The following GPRIN3 variants were observed in gnomAD, a reference collection of about 807,000 sequenced individuals.
GPRIN3 encodes GPRIN family member 3.
Under a neutral mutation model 13.7 loss-of-function variants are expected in GPRIN3, and 12 were observed. The ratio of observed to expected loss-of-function variants is 0.87; its 90% CI spans 0.56 to 1.42. The LOEUF is 1.42. Ranked by LOEUF, GPRIN3 falls within the 40% of genes most tolerant of loss-of-function variation. GPRIN3 has a pLI of 0.00. For missense variants in GPRIN3, 1,009 were observed against 958.7 expected, an observed-to-expected ratio of 1.05 and a Z score of -0.69; for synonymous variants, 377 against 372.7, an observed-to-expected ratio of 1.01 and a Z score of -0.13.
At position 89,240,205 on chromosome 4, in the gene GPRIN3, A is replaced by G. The variant is rs955068482; in HGVS notation, c.*7575T>C. 6 of 152,232 alleles carry G rather than the reference A, an allele frequency of 3.9e-5. No individual in the cohort carries two copies. Among genetic ancestry groups the G allele is most frequent in the Non-Finnish European group, 8.8e-5 (6 of 68,038 alleles). 9.4% of individuals were successfully genotyped at this position (152,232 alleles called of 1,614,324 possible). On this transcript the variant is annotated 3_prime_UTR_variant, in exon 2 of 2. Coordinates refer to ENST00000609438, the MANE Select transcript of GPRIN3 (RefSeq NM_198281.3). The stretch of plus-strand genomic sequence containing the variant: ...AATGATTCTAATGTTGTTAGAATCC[A>G]CACAGTATTACCTGTTATTGATAAT...
At chr4:89,262,707 A>C (rs1269329150) in intron 1 of GPRIN3, among the ~76,000 whole-genome samples, 1 of 152,196 alleles carries the variant, frequency 6.6e-6, no homozygotes, top group Non-Finnish European at 1.5e-5. Context: ...ACAGCTGAGA[A>C]ATGCTTTTTA....
At chr4:89,303,696 TG>T (rs1242832279) in intron 1 of GPRIN3, among the ~76,000 whole-genome samples, 1 of 151,426 alleles carries the variant, frequency 6.6e-6, no homozygotes, top group Admixed American at 6.6e-5. Flanking sequence ...ATACGTTATT[TG>T]GTTCCACTAC....
intron 1 of GPRIN3, among the ~76,000 whole-genome samples, chr4:89,272,181 A>G (rs1723971939): frequency 6.6e-6 from 1 of 152,172 alleles, no homozygotes; most frequent in Non-Finnish European, 1.5e-5. Context: ...AGACAGAGTA[A>G]CGGGTTATGG....
chr4:89,270,577 A>ATATAT (rs1553951341), intron 1 of GPRIN3, among the ~76,000 whole-genome samples: 1 of 99,168 alleles, frequency 1.0e-5, no homozygotes, highest in African/African-American at 6.0e-5. Context: ...ATATATATAT[A>ATATAT]TATATATATA....
rs540731271 is a variant in GPRIN3, at chr4:89,244,924, C to A, written c.*2856G>T. 1.6e-4 allele frequency: 24 copies of A among 152,258 alleles called. No individual in the cohort carries two copies. The East Asian group carries it at 4.2e-3, about 27-fold the overall frequency. The allele number at this position is 152,258 out of a possible 1,614,324, so 9.4% of individuals were successfully genotyped here. ...AGAAATGAAGGGTAAAACCAAACAA[C>A]TTTCAACCCAATGTGTGTCATGCAG... On this transcript the variant is annotated 3_prime_UTR_variant, in exon 2 of 2. Transcript: ENST00000609438.
At chr4:89,254,991 T>TG (rs1257684963) in intron 1 of GPRIN3, among the ~76,000 whole-genome samples, 1 of 152,214 alleles carries the variant, frequency 6.6e-6, no homozygotes, top group Non-Finnish European at 1.5e-5. Flanking sequence ...TTGACGGGCG[T>TG]GGACTCTCCA....
At chr4:89,294,381 T>C (rs1724673438) in intron 1 of GPRIN3, among the ~76,000 whole-genome samples, 1 of 152,212 alleles carries the variant, frequency 6.6e-6, no homozygotes, top group African/African-American at 2.4e-5. Context: ...ACCCAACTCC[T>C]CTAAGAAAGA....
At chr4:89,261,140 T>C (rs1723610392) in intron 1 of GPRIN3, among the ~76,000 whole-genome samples, 1 of 152,196 alleles carries the variant, frequency 6.6e-6, no homozygotes, top group African/African-American at 2.4e-5. Context: ...AGGAGCTAGA[T>C]GTTAATCTAG....
chr4:89,251,060 A>G (rs1332127964), intron 1 of GPRIN3: 1 of 152,234 alleles, frequency 6.6e-6, no homozygotes, highest in Non-Finnish European at 1.5e-5. Flanking sequence ...AAAGTGTATA[A>G]CCCTAGAGGG....
chr4:89,281,387 G>T (rs1724247098), intron 1 of GPRIN3, among the ~76,000 whole-genome samples: 1 of 152,180 alleles, frequency 6.6e-6, no homozygotes, highest in Non-Finnish European at 1.5e-5. Flanking sequence ...TCCCCAAAGT[G>T]CTGGGATTAC....
At chr4:89,276,974 A>G (rs1724111512) in intron 1 of GPRIN3, among the ~76,000 whole-genome samples, 1 of 152,202 alleles carries the variant, frequency 6.6e-6, no homozygotes, top group African/African-American at 2.4e-5. Flanking sequence ...GGACCTATGT[A>G]TAACAATTTA....
chr4:89,265,971 CCA>C lies in GPRIN3; in HGVS notation c.-123-15740_-123-15739del, dbSNP rs368768580. 1.8e-3 allele frequency among the ~76,000 whole-genome samples: 279 copies of C among 152,230 alleles called. 11 individuals are homozygous for C. In the South Asian group the frequency reaches 0.055, roughly 30 times the overall value. ...GTGAGCTCCACCACATTATGTAGTACCATACTCAGGTAAATTAACACAAAGCG... is the reference window on the plus strand; with the variant it reads ...GTGAGCTCCACCACATTATGTAGTACTACTCAGGTAAATTAACACAAAGCG... On this transcript the variant is annotated intron_variant, in intron 1 of 1. Transcript: ENST00000609438.
intron 1 of GPRIN3, among the ~76,000 whole-genome samples, chr4:89,279,526 A>G (rs1238176528): frequency 6.6e-6 from 1 of 151,990 alleles, no homozygotes; most frequent in African/African-American, 2.4e-5. Flanking sequence ...CACACTCCCC[A>G]CTTCTTGCAC....
chr4:89,258,860 C>G lies in GPRIN3; in HGVS notation c.-123-8627G>C, dbSNP rs150202595. Among the ~76,000 whole-genome samples the G allele has an allele frequency of 5.3e-3, 813 of 152,316 alleles. 6 individuals carry two copies. Among genetic ancestry groups the G allele is most frequent in the Non-Finnish European group, 7.4e-3 (505 of 68,018 alleles). On this transcript the variant is annotated intron_variant, in intron 1 of 1. Transcript: ENST00000609438. ...CGGCTGCACATTAGTATCCTTTTCTCTATGGCATTGGAAAATGTCACAAAA... is the reference window on the plus strand; with the variant it reads ...CGGCTGCACATTAGTATCCTTTTCTGTATGGCATTGGAAAATGTCACAAAA...
rs868327322 is a variant in GPRIN3 at position 89,242,907 on chromosome 4, T to C, written c.*4873A>G. 4.9e-4 allele frequency: 75 copies of C among 152,350 alleles called. No homozygotes were observed. Among genetic ancestry groups the C allele is most frequent in the Middle Eastern group, 6.8e-3 (2 of 296 alleles). The allele number at this position is 152,350 out of a possible 1,614,324, so 9.4% of individuals were successfully genotyped here. On this transcript the variant is annotated 3_prime_UTR_variant, in exon 2 of 2. Coordinates refer to ENST00000609438, the MANE Select transcript of GPRIN3 (RefSeq NM_198281.3). ...TGTTTATAATTATCATCACGTTTAC[T>C]TACCTAACAGCCAAAAATAATGTTT...
intron 1 of GPRIN3, among the ~76,000 whole-genome samples, chr4:89,257,712 G>A (rs773755697): frequency 3.3e-5 from 5 of 152,068 alleles, no homozygotes; most frequent in Non-Finnish European, 5.9e-5. Flanking sequence ...TTTATTTTTT[G>A]TGGAGGCAAA....
At chr4:89,299,575 A>C in intron 1 of GPRIN3, among the ~76,000 whole-genome samples, 1 of 152,158 alleles carries the variant, frequency 6.6e-6, no homozygotes, top group Middle Eastern at 3.4e-3. Flanking sequence ...CTCATTTTTT[A>C]GCCATAGTAA....
chr4:89,272,146 C>G (rs1723970669), intron 1 of GPRIN3, among the ~76,000 whole-genome samples: 1 of 152,158 alleles, frequency 6.6e-6, no homozygotes, highest in Admixed American at 6.5e-5. Context: ...CTGTGGTATT[C>G]TGTTACAGCA....
chr4:89,278,099 T>C (rs888686484), intron 1 of GPRIN3, among the ~76,000 whole-genome samples: 2 of 152,006 alleles, frequency 1.3e-5, no homozygotes, highest in Non-Finnish European at 2.9e-5. Flanking sequence ...ATTTTCTGAG[T>C]GAGGAAAGTG....
Sources: allele counts gnomAD v4.1 joint callset (sites outside exome capture counted in the v4.1 genomes callset), GRCh38; gene constraint gnomAD v4.1.1; transcripts MANE v1.5; gene names NCBI Gene and HGNC (gene_info 2026-07-23, HGNC 2026-07-21).